ANO10: variants seen among roughly 807,000 people sequenced by gnomAD.
The protein encoded by ANO10 is anoctamin 10.
Under a neutral mutation model 74.7 loss-of-function variants are expected in ANO10, and 77 were observed. The ratio of observed to expected loss-of-function variants is 1.03; its 90% CI spans 0.86 to 1.25. The LOEUF (loss-of-function observed/expected upper bound fraction) is 1.25, where lower values mean the gene tolerates loss of function less well. ANO10 is among the 50% of genes most tolerant of loss of function. The pLI is 0.00. For missense variants in ANO10, 721 were observed against 778.1 expected (o/e 0.93, Z 0.87); for synonymous variants, 279 against 284.9 (o/e 0.98, Z 0.21).
At chr3:43,472,762 CTTG>C (rs1326468981) in intron 11 of ANO10, among the ~76,000 whole-genome samples, 2 of 152,070 alleles carry the variant, frequency 1.3e-5, no homozygotes, top group African/African-American at 4.8e-5. Flanking sequence ...TTATGAAATT[CTTG>C]TTAATTTTCA....
chr3:43,433,036 T>A (rs920124562), intron 11 of ANO10, among the ~76,000 whole-genome samples: 1 of 137,968 alleles, frequency 7.2e-6, no homozygotes, highest in Non-Finnish European at 1.5e-5. Context: ...CTTGGCTCAC[T>A]GTAACCTCTG....
chr3:43,478,271 T>C (rs546667225), intron 11 of ANO10, among the ~76,000 whole-genome samples: 1 of 152,318 alleles, frequency 6.6e-6, no homozygotes, highest in East Asian at 1.9e-4. Flanking sequence ...GCCTCTTCTA[T>C]GCAAAATGAT....
chr3:43,458,260 G>A (rs2075227064), intron 11 of ANO10, among the ~76,000 whole-genome samples: 1 of 152,088 alleles, frequency 6.6e-6, no homozygotes, highest in South Asian at 2.1e-4. Context: ...AGACCACTGT[G>A]CAATAAGATC....
At chr3:43,493,215 G>C (rs1340991242) in intron 11 of ANO10, among the ~76,000 whole-genome samples, 1 of 152,168 alleles carries the variant, frequency 6.6e-6, no homozygotes, top group Non-Finnish European at 1.5e-5. Flanking sequence ...TCATAAGTGG[G>C]AGTTGAACAA....
chr3:43,478,045 A>G (rs1378121923), intron 11 of ANO10, among the ~76,000 whole-genome samples: 1 of 152,128 alleles, frequency 6.6e-6, no homozygotes, highest in East Asian at 1.9e-4. Flanking sequence ...TGCTTTTCAT[A>G]TATTTACTCA....
Position 43,574,845 on chromosome 3 carries a change from A to G in ANO10, c.1182T>C (p.Ser394=). 2 of 1,614,100 alleles carry G rather than the reference A, an allele frequency of 1.2e-6. No homozygotes were observed. The highest frequency in any genetic ancestry group is 3.3e-5 in the Admixed American group (2 of 60,032). Residue 394 remains serine, a synonymous_variant, in exon 7 of 13, where the codon TCT becomes TCC. Coordinates refer to ENST00000292246, the MANE Select transcript of ANO10 (RefSeq NM_018075.5). ...TCAGAATTAGATGGTTCTGATAGGCAGATTCCAATCTGTGATTCTCTAAAA... is the reference window on the plus strand; with the variant it reads ...TCAGAATTAGATGGTTCTGATAGGCGGATTCCAATCTGTGATTCTCTAAAA... ...LTSWENHRLE[S]AYQNHLILKV...
In ANO10 at chr3:43,605,640, A is replaced by G. The variant is rs1381607027; in HGVS notation, c.139+74T>C. On this transcript the variant is annotated intron_variant, in intron 2 of 12. Coordinates refer to ENST00000292246, the MANE Select transcript of ANO10 (RefSeq NM_018075.5). ...TTTGCAAATACATTTTTAGTGACTG[A>G]GCATACAGTGTGGGAGGCTGAGCAT... 34 of 1,528,446 alleles carry G rather than the reference A, an allele frequency of 2.2e-5. No individual in the cohort carries two copies. The South Asian group carries it at 3.6e-4, about 16-fold the overall frequency. The allele number at this position is 1,528,446 out of a possible 1,614,324, so 94.7% of individuals were successfully genotyped here. A position where few individuals can be genotyped will look rare whatever the true frequency, so the allele number is the denominator to read the frequency against.
chr3:43,367,476 C>G, intron 12 of ANO10, among the ~76,000 whole-genome samples: 1 of 152,188 alleles, frequency 6.6e-6, no homozygotes, highest in East Asian at 1.9e-4. Context: ...CCCAAATCAT[C>G]AGATGTTTCT....
At chr3:43,680,705 G>C (rs1057303309) in intron 1 of ANO10, among the ~76,000 whole-genome samples, 7 of 152,178 alleles carry the variant, frequency 4.6e-5, no homozygotes, top group African/African-American at 1.7e-4. Context: ...ACCCACAAAG[G>C]GAAGCCCATC....
At chr3:43,576,195 T>C (rs1276204068) in intron 6 of ANO10, among the ~76,000 whole-genome samples, 2 of 152,174 alleles carry the variant, frequency 1.3e-5, no homozygotes, top group Non-Finnish European at 2.9e-5. Context: ...TTGATTCAGC[T>C]GAGTATCATG....
At chr3:43,653,865 G>A (rs1351256683) in intron 1 of ANO10, among the ~76,000 whole-genome samples, 3 of 151,922 alleles carry the variant, frequency 2.0e-5, no homozygotes, top group Admixed American at 1.3e-4. Context: ...ATGAATAAGT[G>A]GTTAATGGTT....
chr3:43,521,831 T>G (rs1455910716), intron 11 of ANO10, among the ~76,000 whole-genome samples: 1 of 152,188 alleles, frequency 6.6e-6, no homozygotes, highest in Non-Finnish European at 1.5e-5. Context: ...ACTCAGATAT[T>G]TGTATGCCAA....
At chr3:43,660,158 C>G (rs1416150985) in intron 1 of ANO10, among the ~76,000 whole-genome samples, 1 of 152,110 alleles carries the variant, frequency 6.6e-6, no homozygotes, top group African/African-American at 2.4e-5. Context: ...AGCAGAAAGG[C>G]TGAAAATTCC....
chr3:43,391,276 T>C (rs1049202163), intron 12 of ANO10, among the ~76,000 whole-genome samples: 1 of 152,124 alleles, frequency 6.6e-6, no homozygotes, highest in African/African-American at 2.4e-5. Flanking sequence ...TCAGAAAATA[T>C]CAAAAACAGA....
At chr3:43,459,301 T>C (rs2075278632) in intron 11 of ANO10, among the ~76,000 whole-genome samples, 1 of 152,164 alleles carries the variant, frequency 6.6e-6, no homozygotes, top group Non-Finnish European at 1.5e-5. Context: ...CAGTCAGTGC[T>C]CAGATTCCAT....
intron 11 of ANO10, among the ~76,000 whole-genome samples, chr3:43,546,703 T>C (rs1401714144): frequency 6.7e-6 from 1 of 149,934 alleles, no homozygotes; most frequent in Admixed American, 6.6e-5. Context: ...ATATAGAAGA[T>C]GTTGAAACAG....
chr3:43,596,843 A>T (rs1319197259), intron 4 of ANO10, among the ~76,000 whole-genome samples: 4 of 152,254 alleles, frequency 2.6e-5, no homozygotes, highest in Admixed American at 6.5e-5. Flanking sequence ...AGAATGGGAG[A>T]AAATTTTTGC....
intron 1 of ANO10, among the ~76,000 whole-genome samples, chr3:43,683,587 T>G (rs1359992340): frequency 6.6e-6 from 1 of 152,050 alleles, no homozygotes; most frequent in Non-Finnish European, 1.5e-5. Context: ...TACTTTAAAG[T>G]TCATATGGAA....
rs148009188 is a variant in ANO10 at position 43,545,837 on chromosome 3, C to T, written c.1797+3883G>A. Among the ~76,000 whole-genome samples the T allele has an allele frequency of 1.2e-3, 186 of 152,294 alleles. 3 individuals are homozygous for T. The East Asian group carries it at 0.031, about 25-fold the overall frequency. On this transcript the variant is annotated intron_variant, in intron 11 of 12. Coordinates refer to ENST00000292246, the MANE Select transcript of ANO10 (RefSeq NM_018075.5). The stretch of plus-strand genomic sequence containing the variant: ...TCTAATTATCATATCTATCACCTCA[C>T]ATAGTTACCTTGTAAAATTCAGAAT...
Sources: allele counts gnomAD v4.1 joint callset (sites outside exome capture counted in the v4.1 genomes callset), GRCh38; gene constraint gnomAD v4.1.1; transcripts MANE v1.5; gene names NCBI Gene and HGNC (gene_info 2026-07-23, HGNC 2026-07-21).